HACE1: variants seen among roughly 807,000 people sequenced by gnomAD.
HACE1 encodes E3 ubiquitin-protein ligase HACE1.
HACE1 carries 73 observed loss-of-function variants against 118.4 expected under a neutral mutation model. The ratio of observed to expected loss-of-function variants is 0.62; its 90% confidence interval spans 0.51 to 0.75. The LOEUF is 0.75. HACE1 is among the 30% of genes least tolerant of loss of function. The probability of loss-of-function intolerance (pLI) is 0.00; values close to 1 mark genes in which losing one functional copy is unlikely to be tolerated. For synonymous variants in HACE1, 368 were observed against 374.8 expected (o/e 0.98, Z 0.21); for missense variants, 749 against 1,102.2 (o/e 0.68, Z 4.54).
intron 6 of HACE1, among the ~76,000 whole-genome samples, chr6:104,827,103 T>C (rs1773415138): frequency 6.6e-6 from 1 of 151,980 alleles, no homozygotes; most frequent in South Asian, 2.1e-4. Flanking sequence ...AGTCATTTAA[T>C]TGAAGGCGGT....
chr6:104,824,664 A>C (rs1198663819), intron 6 of HACE1: 1 of 152,254 alleles, frequency 6.6e-6, no homozygotes, highest in Non-Finnish European at 1.5e-5. Flanking sequence ...AAGGATTCTC[A>C]AAAGGAGAAA....
intron 22 of HACE1, chr6:104,731,656 T>C (rs1484897677): frequency 6.6e-6 from 1 of 152,044 alleles, no homozygotes; most frequent in Non-Finnish European, 1.5e-5. Context: ...GAAAACCGGA[T>C]ATTCACTACA....
chr6:104,828,704 C>T (rs1773568619), intron 6 of HACE1, among the ~76,000 whole-genome samples: 1 of 151,970 alleles, frequency 6.6e-6, no homozygotes, highest in African/African-American at 2.4e-5. Context: ...GAAAATGAGA[C>T]CTTTATCATG....
At chr6:104,859,491 C>T in intron 1 of HACE1, 76 bp downstream of exon 1, 1 of 1,119,520 alleles carries the variant, frequency 8.9e-7, no homozygotes, top group South Asian at 1.6e-5. Flanking sequence ...TCCACCCGAC[C>T]TTGACGCGGC....
chr6:104,817,667 T>G (rs1772261800), intron 6 of HACE1, among the ~76,000 whole-genome samples: 1 of 152,306 alleles, frequency 6.6e-6, no homozygotes, highest in East Asian at 1.9e-4. Flanking sequence ...GGAAGAGATA[T>G]TTTATAGGAG....
intron 7 of HACE1, among the ~76,000 whole-genome samples, chr6:104,805,168 C>T (rs1483769382): frequency 6.6e-6 from 1 of 152,168 alleles, no homozygotes; most frequent in Non-Finnish European, 1.5e-5. Context: ...CCATCTCACG[C>T]CAGTTAGAAT....
intron 6 of HACE1, among the ~76,000 whole-genome samples, chr6:104,821,680 C>A (rs1275314802): frequency 6.6e-6 from 1 of 152,152 alleles, no homozygotes; most frequent in Non-Finnish European, 1.5e-5. Context: ...TACCCCAACA[C>A]ATAAGTAAAC....
At chr6:104,854,754 A>C (rs921994788) in intron 1 of HACE1, among the ~76,000 whole-genome samples, 2 of 152,210 alleles carry the variant, frequency 1.3e-5, no homozygotes, top group African/African-American at 4.8e-5. Context: ...TTTGAAAAAC[A>C]TAATTCATAT....
intron 22 of HACE1, among the ~76,000 whole-genome samples, chr6:104,735,038 AT>A (rs1429831409): frequency 1.1e-4 from 17 of 152,084 alleles, no homozygotes; most frequent in Non-Finnish European, 1.9e-4. Context: ...TAAAAAATTT[AT>A]ATAAACATAT....
chr6:104,849,345 C>CT, intron 3 of HACE1, 99 bp from the exon 4 acceptor site: 2 of 821,844 alleles, frequency 2.4e-6, no homozygotes, highest in East Asian at 5.2e-5. Context: ...ACACAATTTT[C>CT]TTTTTGTTTT....
chr6:104,833,287 G>A (rs917004512), intron 5 of HACE1, 114 bp from the exon 6 acceptor site: 6 of 923,992 alleles, frequency 6.5e-6, no homozygotes, highest in Non-Finnish European at 1.1e-5. Context: ...ATCTAAAGGT[G>A]TTTTAAGTCC....
At position 104,729,568 on chromosome 6, in the gene HACE1, T is replaced by C; in HGVS notation, c.*94A>G. ...TGGAAGCATCAGCCCTGCCTATGGGTTGCATTTAGGCTGCTTTTTTGTTGA... is the reference window on the plus strand; with the variant it reads ...TGGAAGCATCAGCCCTGCCTATGGGCTGCATTTAGGCTGCTTTTTTGTTGA... On this transcript the variant is annotated 3_prime_UTR_variant, in exon 24 of 24. Transcript: ENST00000262903. The C allele has an allele frequency of 1.3e-6, 1 of 762,776 alleles. No homozygotes were observed. Among genetic ancestry groups the C allele is most frequent in the Non-Finnish European group, 2.4e-6 (1 of 413,834 alleles). The allele number at this position is 762,776 out of a possible 1,614,324, so 47.3% of individuals were successfully genotyped here. A position where few individuals can be genotyped will look rare whatever the true frequency, so the allele number is the denominator to read the frequency against.
rs370049285 is a variant in HACE1, at chr6:104,745,455, C to CTTTTTTTTT, written c.2344-854_2344-846dup. On this transcript the variant is annotated intron_variant, in intron 20 of 23. Coordinates refer to ENST00000262903, the MANE Select transcript of HACE1 (RefSeq NM_020771.4). Reference sequence around the variant, plus strand: ...TGATGATTCAGAATATCAGGATTTCCTTTTTTTTTGAGACCGAGTCTGGCT... The same window carrying CTTTTTTTTT: ...TGATGATTCAGAATATCAGGATTTCCTTTTTTTTTTTTTTTTTTGAGACCGAGTCTGGCT... Among the ~76,000 whole-genome samples the CTTTTTTTTT allele has an allele frequency of 1.4e-4, 19 of 132,006 alleles. 6 individuals carry two copies. The highest frequency in any genetic ancestry group is 3.1e-4 in the Admixed American group (4 of 12,752). The allele number at this position is 132,006 out of a possible 152,430, so 86.6% of individuals were successfully genotyped here.
In HACE1 at chr6:104,730,317, T is replaced by C; in HGVS notation, c.2613A>G (p.Pro871=). ...AAVPYTPNLL[P]TSSTCINMLK... ...AGTCAACATACCATGTGCTTGAAGT[T>C]GGTAAAAGATTTGGAGTATATGGCA... The change falls in exon 23 of 24, where the codon CCA becomes CCG. Residue 871 remains proline, a synonymous_variant. Transcript: ENST00000262903. 2 of 1,506,868 alleles carry C rather than the reference T, an allele frequency of 1.3e-6. No individual in the cohort carries two copies. Among genetic ancestry groups the C allele is most frequent in the South Asian group, 1.1e-5 (1 of 88,994 alleles). The allele number at this position is 1,506,868 out of a possible 1,614,324, so 93.3% of individuals were successfully genotyped here.
intron 1 of HACE1, among the ~76,000 whole-genome samples, chr6:104,857,018 CTTAT>C (rs1776785759): frequency 6.6e-6 from 1 of 151,878 alleles, no homozygotes; most frequent in Admixed American, 6.6e-5. Context: ...TAATTAGATG[CTTAT>C]TGATTACTGA....
chr6:104,799,759 C>CGA (rs1770088755), intron 7 of HACE1, among the ~76,000 whole-genome samples: 2 of 151,856 alleles, frequency 1.3e-5, no homozygotes, highest in African/African-American at 4.9e-5. Flanking sequence ...TCAAGACTCC[C>CGA]ATTCCAAGAT....
At chr6:104,744,302 G>T in intron 21 of HACE1, 72 bp from the exon 22 acceptor site, 3 of 968,442 alleles carry the variant, frequency 3.1e-6, no homozygotes, top group Admixed American at 1.7e-5. Flanking sequence ...AGAGAAATAT[G>T]CAATATTCAT....
At chr6:104,773,741 G>C (rs1322194688) in intron 17 of HACE1, among the ~76,000 whole-genome samples, 1 of 150,126 alleles carries the variant, frequency 6.7e-6, no homozygotes, top group African/African-American at 2.5e-5. Flanking sequence ...AAATCTAGAT[G>C]CTTAAAAAGA....
chr6:104,761,187 G>A (rs1779317581), intron 19 of HACE1, among the ~76,000 whole-genome samples: 1 of 152,056 alleles, frequency 6.6e-6, no homozygotes, highest in Non-Finnish European at 1.5e-5. Context: ...TCACAGAAAT[G>A]GAAAAAACTA....
Sources: allele counts gnomAD v4.1 joint callset (sites outside exome capture counted in the v4.1 genomes callset), GRCh38; gene constraint gnomAD v4.1.1; transcripts MANE v1.5; gene names NCBI Gene and HGNC (gene_info 2026-07-23, HGNC 2026-07-21).